USH2A: variants seen among roughly 807,000 people sequenced by gnomAD.
USH2A encodes Usher syndrome 2A (autosomal recessive, mild).
In USH2A, 443 loss-of-function variants were observed where a neutral mutation model predicts 538.9. That is an observed-to-expected ratio of 0.82 (90% CI 0.76 to 0.89). The LOEUF (loss-of-function observed/expected upper bound fraction) is 0.89, where lower values mean the gene tolerates loss of function less well. Among genes scored for constraint, USH2A ranks in the 40% least tolerant of loss-of-function variants. The pLI is 0.00. For synonymous variants in USH2A, 2,413 were observed against 2,273.5 expected (o/e 1.06, Z -1.75); for missense variants, 6,633 against 6,324.8 (o/e 1.05, Z -1.65).
At chr1:216,106,317 CTATATATA>C (rs10589896) in intron 21 of USH2A, among the ~76,000 whole-genome samples, 2,863 of 146,216 alleles carry the variant, frequency 0.02, 105 homozygotes, top group African/African-American at 0.067. Context: ...TATATGTATA[CTATATATA>C]TATATATGTA....
At chr1:216,016,960 G>A (rs1668726308) in intron 32 of USH2A, among the ~76,000 whole-genome samples, 1 of 152,022 alleles carries the variant, frequency 6.6e-6, no homozygotes, top group Admixed American at 6.6e-5. Context: ...TTCTTCTGTG[G>A]CTGGTTAGAA....
chr1:216,364,821 G>A, intron 4 of USH2A, 132 bp downstream of exon 4: 1 of 1,208,396 alleles, frequency 8.3e-7, no homozygotes, highest in African/African-American at 1.5e-5. Flanking sequence ...CTGCCATCCA[G>A]TTGGTGGTAA....
intron 21 of USH2A, among the ~76,000 whole-genome samples, chr1:216,135,166 T>TCTCACA (rs1478398683): frequency 3.3e-5 from 3 of 90,300 alleles, no homozygotes; most frequent in African/African-American, 1.7e-4. Context: ...TCTCTCTCTC[T>TCTCACA]CACACACACA....
chr1:215,975,670 C>T (rs1667603354), intron 35 of USH2A, among the ~76,000 whole-genome samples: 1 of 152,098 alleles, frequency 6.6e-6, no homozygotes, highest in Admixed American at 6.6e-5. Context: ...TTCCATTGGT[C>T]TATGTGTCTG....
intron 61 of USH2A, among the ~76,000 whole-genome samples, chr1:215,722,953 G>A (rs1659705713): frequency 6.6e-6 from 1 of 152,152 alleles, no homozygotes; most frequent in African/African-American, 2.4e-5. Flanking sequence ...CCCAAATGGT[G>A]GTAGCAATAT....
intron 4 of USH2A, among the ~76,000 whole-genome samples, chr1:216,338,637 AT>A (rs1254779987): frequency 1.3e-5 from 2 of 151,528 alleles, no homozygotes; most frequent in East Asian, 3.9e-4. Flanking sequence ...TGAAGGAAAT[AT>A]TTTTACAATC....
At chr1:216,316,337 T>C (rs890649828) in intron 9 of USH2A, among the ~76,000 whole-genome samples, 8 of 152,178 alleles carry the variant, frequency 5.3e-5, no homozygotes, top group Non-Finnish European at 1.2e-4. Context: ...ACAATGAATA[T>C]AGCAATGAAC....
At chr1:215,808,886 C>T (rs967026336) in intron 49 of USH2A, among the ~76,000 whole-genome samples, 1 of 151,996 alleles carries the variant, frequency 6.6e-6, no homozygotes, top group Non-Finnish European at 1.5e-5. Context: ...TTTGTGTAAA[C>T]ATAAATTTGC....
At chr1:216,067,119 G>A (rs1032990299) in intron 30 of USH2A, among the ~76,000 whole-genome samples, 6 of 152,190 alleles carry the variant, frequency 3.9e-5, no homozygotes, top group African/African-American at 7.2e-5. Context: ...CAGGAACATG[G>A]ATGAAGCTAG....
intron 36 of USH2A, among the ~76,000 whole-genome samples, chr1:215,968,802 A>G (rs967528102): frequency 6.6e-6 from 1 of 152,194 alleles, no homozygotes; most frequent in South Asian, 2.1e-4. Flanking sequence ...TTAAAATGTC[A>G]TAGCATCGGG....
At chr1:216,271,119 C>T (rs1469554963) in intron 11 of USH2A, among the ~76,000 whole-genome samples, 2 of 152,082 alleles carry the variant, frequency 1.3e-5, no homozygotes, top group African/African-American at 4.8e-5. Context: ...ACCTCTGTGT[C>T]ACTCCTGTGC....
At chr1:216,328,304 T>C (rs768274397) in intron 4 of USH2A, among the ~76,000 whole-genome samples, 24 of 152,080 alleles carry the variant, frequency 1.6e-4, no homozygotes, top group Non-Finnish European at 4.4e-5. Flanking sequence ...TTGAATTAGG[T>C]GACCTTTCAA....
At chr1:215,992,480 C>A (rs1190656583) in intron 35 of USH2A, among the ~76,000 whole-genome samples, 2 of 152,092 alleles carry the variant, frequency 1.3e-5, no homozygotes, top group Non-Finnish European at 2.9e-5. Flanking sequence ...AACTTGCCTC[C>A]AGCTAAATAT....
chr1:216,129,880 A>G (rs1428482459), intron 21 of USH2A, among the ~76,000 whole-genome samples: 1 of 152,156 alleles, frequency 6.6e-6, no homozygotes, highest in Non-Finnish European at 1.5e-5. Context: ...AAAGAACAGA[A>G]TAAAGAACCC....
chr1:215,914,172 C>A (rs910881185), intron 38 of USH2A, among the ~76,000 whole-genome samples: 1 of 146,942 alleles, frequency 6.8e-6, no homozygotes, highest in South Asian at 2.1e-4. Context: ...CTCCTAGGTT[C>A]GAGCGATTCT....
chr1:215,628,948 G>T lies in USH2A; in HGVS notation c.15385C>A (p.Gln5129Lys). The T allele has an allele frequency of 6.2e-7, 1 of 1,614,100 alleles. No homozygotes were observed. The highest frequency in any genetic ancestry group is 1.1e-5 in the South Asian group (1 of 91,062). The stretch of plus-strand genomic sequence containing the variant: ...GAGTAGGTTAGGCTGGTTTGGTTTT[G>T]ACTCGGGATGCGCAGGACACATGCA... ...RSACVLRIPS[Q>K]NQTSLTYSQG... Residue 5129 changes from glutamine (Q) to lysine (K), a missense_variant, in exon 71 of 72, where the codon CAA becomes AAA. Gln to Lys is a moderately conservative substitution (Grantham distance 53). Transcript: ENST00000307340.
intron 9 of USH2A, among the ~76,000 whole-genome samples, chr1:216,311,501 T>C (rs532737430): frequency 2.4e-4 from 37 of 152,296 alleles, no homozygotes; most frequent in African/African-American, 7.9e-4. Flanking sequence ...ATCTTCATAT[T>C]TGAGTTCTGG....
intron 61 of USH2A, among the ~76,000 whole-genome samples, chr1:215,725,884 G>C (rs1298209292): frequency 6.6e-6 from 1 of 152,088 alleles, no homozygotes; most frequent in Non-Finnish European, 1.5e-5. Flanking sequence ...ATTAAATAAA[G>C]AACAGAGTTC....
chr1:215,941,610 C>T (rs74665101), intron 37 of USH2A, among the ~76,000 whole-genome samples: 300 of 152,202 alleles, frequency 2.0e-3, no homozygotes, highest in African/African-American at 6.4e-3. Context: ...ATCACCAAAA[C>T]GTGTTTCCTT....
Sources: gnomAD v4.1 joint callset for allele counts (sites outside exome capture counted in the v4.1 genomes callset) on GRCh38, gnomAD v4.1.1 for gene constraint, MANE v1.5 for transcripts, NCBI Gene and HGNC (gene_info 2026-07-23, HGNC 2026-07-21) for gene names.